Variants in CUBN observed in about 807,000 individuals in gnomAD.
CUBN encodes cubilin, also known as 460 kDa receptor.
Under a neutral mutation model 405.3 loss-of-function variants are expected in CUBN, and 282 were observed. The observed-to-expected ratio is 0.70, with a 90% CI of 0.63 to 0.77. CUBN has a LOEUF of 0.77. CUBN is among the 30% of genes least tolerant of loss of function. The pLI is 0.00. For missense variants in CUBN, 4,514 were observed against 4,475.2 expected, an observed-to-expected ratio of 1.01 and a Z score of -0.25; for synonymous variants, 1,684 against 1,617.0, an observed-to-expected ratio of 1.04 and a Z score of -0.99.
intron 19 of CUBN, among the ~76,000 whole-genome samples, chr10:17,071,186 G>T (rs1317781992): frequency 1.3e-5 from 2 of 151,550 alleles, no homozygotes; most frequent in Admixed American, 6.6e-5. Context: ...CTGATTCTGG[G>T]GTTTTATATC....
intron 58 of CUBN, among the ~76,000 whole-genome samples, chr10:16,873,972 A>G (rs1840430259): frequency 6.6e-6 from 1 of 152,226 alleles, no homozygotes; most frequent in African/African-American, 2.4e-5. Context: ...TAAGAATACA[A>G]TGAGACAATT....
chr10:17,128,259 G>C (rs1354985538), intron 2 of CUBN, among the ~76,000 whole-genome samples: 1 of 152,136 alleles, frequency 6.6e-6, no homozygotes, highest in Non-Finnish European at 1.5e-5. Context: ...TTGCTGTCCT[G>C]GGCAAGTTAC....
chr10:17,007,050 G>T (rs1056858881), intron 28 of CUBN, among the ~76,000 whole-genome samples: 2 of 152,150 alleles, frequency 1.3e-5, no homozygotes, highest in Non-Finnish European at 2.9e-5. Flanking sequence ...TTGTATGCTG[G>T]ATTCCATCAC....
chr10:16,982,513 C>T lies in CUBN; in HGVS notation c.4666G>A (p.Asp1556Asn). The change falls in exon 31 of 67, where the codon GAT (aspartate) becomes AAT (asparagine). Residue 1556 changes from aspartate to asparagine, a missense_variant. Asp to Asn is a conservative substitution (Grantham distance 23). Coordinates refer to ENST00000377833, the MANE Select transcript of CUBN (RefSeq NM_001081.4). ...HRVLLNFTDF[D>N]LEPQDSCIMA... ...ATACAAGAGTCTTGTGGTTCAAGAT[C>T]AAAGTCAGTGAAGTTCAAGAGAACA... 6.2e-7 allele frequency: 1 copy of T among 1,613,776 alleles called. No individual in the cohort carries two copies. The highest frequency in any genetic ancestry group is 1.7e-4 in the Middle Eastern group (1 of 6,058).
At chr10:17,118,499 C>T (rs546568108) in intron 6 of CUBN, among the ~76,000 whole-genome samples, 244 of 152,154 alleles carry the variant, frequency 1.6e-3, no homozygotes, top group Admixed American at 4.7e-3. Context: ...TGCAGTGGTG[C>T]GATCTCGGCT....
chr10:16,838,732 C>T lies in CUBN; in HGVS notation c.10032+1598G>A, dbSNP rs1839252262. Among the ~76,000 whole-genome samples, 4 of 152,226 alleles carry T rather than the reference C, an allele frequency of 2.6e-5. 1 individual carries two copies. The South Asian group carries it at 8.3e-4, about 32-fold the overall frequency. On this transcript the variant is annotated intron_variant, in intron 62 of 66. Transcript: ENST00000377833. ...CGATCTTGGCTCACTGCAACCTCTG[C>T]TTCCCAGGTTCAAGCGATTCTCCTA...
intron 28 of CUBN, among the ~76,000 whole-genome samples, chr10:16,998,780 A>G (rs1245682997): frequency 2.2e-4 from 33 of 152,226 alleles, no homozygotes; most frequent in Admixed American, 2.2e-3. Flanking sequence ...GATTTTCATG[A>G]AAACAGAAAA....
chr10:16,951,094 C>T (rs1349747471), intron 33 of CUBN, among the ~76,000 whole-genome samples: 1 of 152,166 alleles, frequency 6.6e-6, no homozygotes, highest in Non-Finnish European at 1.5e-5. Context: ...TTTCCTATTG[C>T]TGTTCTTGAA....
At chr10:16,849,052 C>T (rs1839602172) in intron 60 of CUBN, among the ~76,000 whole-genome samples, 2 of 152,198 alleles carry the variant, frequency 1.3e-5, no homozygotes, top group African/African-American at 2.4e-5. Context: ...ATTGACATTC[C>T]TTGCTATCTT....
In CUBN at chr10:16,863,546, T is replaced by C. The variant is rs146437337; in HGVS notation, c.9454+6090A>G. On this transcript the variant is annotated intron_variant, in intron 59 of 66. Coordinates refer to ENST00000377833, the MANE Select transcript of CUBN (RefSeq NM_001081.4). ...CAACTTCAATCAGGCCACCAAGAGG[T>C]ACCTAGAGACATATACATATATTTT... 1.6e-3 allele frequency among the ~76,000 whole-genome samples: 236 copies of C among 152,142 alleles called. 1 individual carries two copies. The highest frequency in any genetic ancestry group is 5.2e-3 in the African/African-American group (214 of 41,528).
chr10:16,975,761 G>A (rs961395974), intron 31 of CUBN, among the ~76,000 whole-genome samples: 4 of 150,634 alleles, frequency 2.7e-5, no homozygotes, highest in Non-Finnish European at 5.9e-5. Context: ...CTCCCAAGTC[G>A]CTGGGATTAC....
chr10:16,983,953 T>C (rs1833348073), intron 30 of CUBN, 152 bp downstream of exon 30: 1 of 789,150 alleles, frequency 1.3e-6, no homozygotes, highest in South Asian at 1.5e-5. Flanking sequence ...TCACGTATTT[T>C]AGGGAAGGGT....
chr10:17,000,962 G>A (rs1833861586), intron 28 of CUBN, among the ~76,000 whole-genome samples: 1 of 152,234 alleles, frequency 6.6e-6, no homozygotes, highest in Admixed American at 6.5e-5. Flanking sequence ...GAGTGTTACA[G>A]TTCTTAAAGA....
At chr10:16,826,753 G>C (rs916590586) in intron 66 of CUBN, among the ~76,000 whole-genome samples, 1 of 152,058 alleles carries the variant, frequency 6.6e-6, no homozygotes, top group Non-Finnish European at 1.5e-5. Context: ...GTTTATACTT[G>C]TTCAGTATAA....
chr10:17,009,598 C>G (rs974255961), intron 28 of CUBN, among the ~76,000 whole-genome samples: 69 of 150,722 alleles, frequency 4.6e-4, no homozygotes, highest in Non-Finnish European at 2.7e-4. Flanking sequence ...AATCACTGCC[C>G]TCCCAAACTC....
At chr10:17,087,769 C>G (rs1836156517) in intron 15 of CUBN, among the ~76,000 whole-genome samples, 1 of 152,160 alleles carries the variant, frequency 6.6e-6, no homozygotes, top group African/African-American at 2.4e-5. Context: ...GCCACCACAC[C>G]CGGCCTCTTC....
intron 40 of CUBN, among the ~76,000 whole-genome samples, chr10:16,931,035 T>C (rs1418627427): frequency 6.6e-6 from 1 of 151,216 alleles, no homozygotes; most frequent in African/African-American, 2.4e-5. Flanking sequence ...GGTGGGCAGA[T>C]CACGAGGTCA....
At chr10:16,996,937 T>C (rs747157654) in intron 28 of CUBN, among the ~76,000 whole-genome samples, 43 of 152,216 alleles carry the variant, frequency 2.8e-4, no homozygotes, top group Non-Finnish European at 5.6e-4. Flanking sequence ...CAGTTGCTGT[T>C]AAAACGAAGC....
At chr10:17,098,951 G>A (rs552547467) in intron 14 of CUBN, among the ~76,000 whole-genome samples, 4 of 152,256 alleles carry the variant, frequency 2.6e-5, no homozygotes, top group Admixed American at 6.5e-5. Flanking sequence ...TGCATTGGCA[G>A]GCTGAATATT....
Sources: allele counts gnomAD v4.1 joint callset (sites outside exome capture counted in the v4.1 genomes callset), GRCh38; gene constraint gnomAD v4.1.1; transcripts MANE v1.5; gene names NCBI Gene and HGNC (gene_info 2026-07-23, HGNC 2026-07-21).